Variants in GABRG3 observed in about 807,000 individuals in gnomAD.
GABRG3 encodes gamma-aminobutyric acid type A receptor subunit gamma3.
A neutral mutation model predicts 48.8 loss-of-function variants in GABRG3; 25 were observed. The observed-to-expected ratio is 0.51, with a 90% CI of 0.37 to 0.72. The LOEUF (loss-of-function observed/expected upper bound fraction) is 0.72. Ranked by LOEUF, GABRG3 falls within the 30% of genes least tolerant of loss-of-function variation. The pLI, the probability that GABRG3 is intolerant of heterozygous loss-of-function variation, is 0.00. For missense variants in GABRG3, 394 were observed against 577.9 expected (o/e 0.68, Z 3.26); for synonymous variants, 227 against 217.6 (o/e 1.04, Z -0.38).
At chr15:27,466,512 G>C (rs1683964190) in intron 5 of GABRG3, among the ~76,000 whole-genome samples, 1 of 152,192 alleles carries the variant, frequency 6.6e-6, no homozygotes, top group Non-Finnish European at 1.5e-5. Context: ...GGAACAGCTT[G>C]ATATTGCATC....
intron 2 of GABRG3, among the ~76,000 whole-genome samples, chr15:27,019,669 A>C (rs185562677): frequency 6.6e-6 from 1 of 152,240 alleles, no homozygotes; most frequent in Admixed American, 6.5e-5. Context: ...TCTGCCTAAT[A>C]CATCATTGTG....
chr15:27,337,580 T>C (rs1894017096), intron 5 of GABRG3, among the ~76,000 whole-genome samples: 3 of 152,186 alleles, frequency 2.0e-5, no homozygotes, highest in Admixed American at 1.3e-4. Context: ...AAGCACAGTC[T>C]GAGACCCACG....
At chr15:27,057,069 G>A (rs1896561244) in intron 3 of GABRG3, among the ~76,000 whole-genome samples, 1 of 152,286 alleles carries the variant, frequency 6.6e-6, no homozygotes, top group South Asian at 2.1e-4. Context: ...CATTGTCCAG[G>A]TGGAGAAATA....
chr15:27,388,992 T>C (rs1316133174), intron 5 of GABRG3, among the ~76,000 whole-genome samples: 1 of 152,212 alleles, frequency 6.6e-6, no homozygotes, highest in Non-Finnish European at 1.5e-5. Context: ...AAGTTTAATT[T>C]ACATTTGATT....
At chr15:27,061,792 C>T (rs547622748) in intron 3 of GABRG3, among the ~76,000 whole-genome samples, 1 of 152,248 alleles carries the variant, frequency 6.6e-6, no homozygotes, top group African/African-American at 2.4e-5. Flanking sequence ...AGTAGCAAGC[C>T]AGATGGATTT....
At chr15:27,304,666 G>A (rs1225843725) in intron 3 of GABRG3, among the ~76,000 whole-genome samples, 1 of 151,898 alleles carries the variant, frequency 6.6e-6, no homozygotes, top group East Asian at 1.9e-4. Context: ...TGATCTTACT[G>A]TTTTTCTCTT....
chr15:27,465,859 C>T (rs927554540), intron 5 of GABRG3, among the ~76,000 whole-genome samples: 6 of 151,954 alleles, frequency 3.9e-5, no homozygotes, highest in Admixed American at 1.3e-4. Flanking sequence ...CTGCATGATG[C>T]CTTCTGATAT....
At chr15:26,999,200 T>G (rs991005089) in intron 2 of GABRG3, among the ~76,000 whole-genome samples, 2 of 151,892 alleles carry the variant, frequency 1.3e-5, no homozygotes, top group Admixed American at 6.6e-5. Context: ...AGCAATAGAA[T>G]GTAGTGACTA....
intron 5 of GABRG3, among the ~76,000 whole-genome samples, chr15:27,446,129 T>C (rs1440262582): frequency 6.6e-6 from 1 of 152,246 alleles, no homozygotes; most frequent in Non-Finnish European, 1.5e-5. Flanking sequence ...ATTCTGGGTC[T>C]CTTGCATTTT....
At chr15:27,508,644 C>CGAAGA (rs1890818589) in intron 6 of GABRG3, among the ~76,000 whole-genome samples, 1 of 152,080 alleles carries the variant, frequency 6.6e-6, no homozygotes, top group Non-Finnish European at 1.5e-5. Context: ...CTTTCCATTT[C>CGAAGA]TCGTTGATTA....
At chr15:27,298,211 T>C (rs1892068744) in intron 3 of GABRG3, among the ~76,000 whole-genome samples, 1 of 152,194 alleles carries the variant, frequency 6.6e-6, no homozygotes, top group South Asian at 2.1e-4. Flanking sequence ...AGATGTTGTC[T>C]GTAGCAGGCA....
At chr15:27,327,098 G>A in intron 4 of GABRG3, 69 bp downstream of exon 4, 1 of 1,311,974 alleles carries the variant, frequency 7.6e-7, no homozygotes. Context: ...ATCACTGTAG[G>A]AATGAGACCC....
At chr15:27,308,494 A>T (rs1010184885) in intron 3 of GABRG3, among the ~76,000 whole-genome samples, 1 of 148,152 alleles carries the variant, frequency 6.7e-6, no homozygotes, top group East Asian at 2.1e-4. Context: ...GTAAACATAC[A>T]TGTTTTATAT....
At chr15:27,071,052 A>G (rs940813000) in intron 3 of GABRG3, among the ~76,000 whole-genome samples, 5 of 152,178 alleles carry the variant, frequency 3.3e-5, no homozygotes, top group African/African-American at 1.2e-4. Flanking sequence ...TGAGCTTACA[A>G]TCAGTGTCTG....
chr15:27,221,304 G>C (rs542797833), intron 3 of GABRG3, among the ~76,000 whole-genome samples: 1 of 152,118 alleles, frequency 6.6e-6, no homozygotes, highest in African/African-American at 2.4e-5. Flanking sequence ...CTTGCCATCT[G>C]CTTGCAAAAG....
intron 3 of GABRG3, among the ~76,000 whole-genome samples, chr15:27,056,692 G>A (rs1195382722): frequency 6.6e-6 from 1 of 152,108 alleles, no homozygotes; most frequent in Non-Finnish European, 1.5e-5. Flanking sequence ...CCCCACGGTG[G>A]CTTCCACTGC....
chr15:27,307,765 T>G (rs1892692664), intron 3 of GABRG3, among the ~76,000 whole-genome samples: 1 of 119,190 alleles, frequency 8.4e-6, no homozygotes, highest in Admixed American at 8.8e-5. Context: ...ACATATAAAA[T>G]AAACATATGT....
rs554169872 is a variant in GABRG3, at chr15:27,088,521, A to T, written c.270+61700A>T. 2.0e-4 allele frequency among the ~76,000 whole-genome samples: 31 copies of T among 152,140 alleles called. No homozygotes were observed. The South Asian group carries it at 6.4e-3, about 31-fold the overall frequency. The stretch of plus-strand genomic sequence containing the variant: ...TCCAGTTCTCACACTGCTGTGAAGA[A>T]CTATCTGAGACTGGGCAACTTTTGA... On this transcript the variant is annotated intron_variant, in intron 3 of 9. Coordinates refer to ENST00000615808, the MANE Select transcript of GABRG3 (RefSeq NM_033223.5).
intron 3 of GABRG3, among the ~76,000 whole-genome samples, chr15:27,053,930 CA>C (rs763156932): frequency 5.9e-5 from 9 of 152,166 alleles, no homozygotes; most frequent in Non-Finnish European, 1.3e-4. Context: ...TTTGGATACA[CA>C]TGGACATAAA....
Sources: allele counts gnomAD v4.1 joint callset (sites outside exome capture counted in the v4.1 genomes callset), GRCh38; gene constraint gnomAD v4.1.1; transcripts MANE v1.5; gene names NCBI Gene and HGNC (gene_info 2026-07-23, HGNC 2026-07-21).